LRRC8D: variants seen among roughly 807,000 people sequenced by gnomAD.
LRRC8D encodes volume-regulated anion channel subunit LRRC8D.
A neutral mutation model predicts 55.8 loss-of-function variants in LRRC8D; 20 were observed. The ratio of observed to expected loss-of-function variants is 0.36; its 90% CI spans 0.25 to 0.52. LRRC8D has a LOEUF of 0.52. Ranked by LOEUF, LRRC8D falls within the 20% of genes least tolerant of loss-of-function variation. The pLI is 0.93. For synonymous variants in LRRC8D, 352 were observed against 377.0 expected, an observed-to-expected ratio of 0.93 and a Z score of 0.77; for missense variants, 651 against 1,030.8, an observed-to-expected ratio of 0.63 and a Z score of 5.05.
chr1:89,908,256 G>A lies in LRRC8D; in HGVS notation c.-2-24811G>A, dbSNP rs1264480555. On this transcript the variant is annotated intron_variant, in intron 2 of 2. Transcript: ENST00000337338. ...TACTCTAGTCTGTTGTTATTTCTGT[G>A]TAATTTACAAAGTATTTCATATTCA... Among the ~76,000 whole-genome samples, 6 of 152,178 alleles carry A rather than the reference G, an allele frequency of 3.9e-5. No individual in the cohort carries two copies. The East Asian group carries it at 9.6e-4, about 24-fold the overall frequency.
Position 89,854,257 on chromosome 1 carries a change from A to G in LRRC8D, c.-3+10475A>G, listed in dbSNP as rs1480037412. Among the ~76,000 whole-genome samples the G allele has an allele frequency of 8.5e-5, 13 of 152,132 alleles. 1 individual carries two copies. The highest frequency in any genetic ancestry group is 4.6e-4 in the Admixed American group (7 of 15,282). ...GCTGAGAGTGTGGGGCCTTGAGGAG[A>G]CAGCTGGAAGTTAGTAACAGTTACC... On this transcript the variant is annotated intron_variant, in intron 2 of 2. Transcript: ENST00000337338.
In LRRC8D at chr1:89,902,623, G is replaced by A. The variant is rs550948259; in HGVS notation, c.-2-30444G>A. Among the ~76,000 whole-genome samples, 9 of 151,090 alleles carry A rather than the reference G, an allele frequency of 6.0e-5. No individual in the cohort carries two copies. In the South Asian group the frequency reaches 1.5e-3, roughly 25 times the overall value. ...ACCATCTTGGCTCACTGCAAGCTCC[G>A]CCTCCTAGGTCCACGCCATTCTCCT... On this transcript the variant is annotated intron_variant, in intron 2 of 2. Transcript: ENST00000337338.
chr1:89,867,216 TG>T (rs1415436680), intron 2 of LRRC8D, among the ~76,000 whole-genome samples: 10 of 152,336 alleles, frequency 6.6e-5, no homozygotes, highest in African/African-American at 2.2e-4. Context: ...TCTGTAGATT[TG>T]CCTATTAAGG....
At chr1:89,913,866 C>T (rs1440618910) in intron 2 of LRRC8D, among the ~76,000 whole-genome samples, 2 of 152,308 alleles carry the variant, frequency 1.3e-5, no homozygotes, top group East Asian at 3.9e-4. Context: ...TACATGCTTG[C>T]CGACATGCAG....
chr1:89,828,811 C>T (rs910353428), intron 1 of LRRC8D, among the ~76,000 whole-genome samples: 3 of 152,124 alleles, frequency 2.0e-5, no homozygotes, highest in Admixed American at 6.6e-5. Flanking sequence ...GGAACATTGC[C>T]AGAGAAAGCT....
rs192105951 is a variant in LRRC8D, at chr1:89,850,807, A to G, written c.-3+7025A>G. 2.6e-5 allele frequency among the ~76,000 whole-genome samples: 4 copies of G among 152,302 alleles called. No homozygotes were observed. In the East Asian group the frequency reaches 5.8e-4, roughly 22 times the overall value. The stretch of plus-strand genomic sequence containing the variant: ...TAGCATGACTTCTTGTTACATGTAC[A>G]TTTATATAACTTGACCTTATTGTTA... On this transcript the variant is annotated intron_variant, in intron 2 of 2. Transcript: ENST00000337338.
intron 2 of LRRC8D, among the ~76,000 whole-genome samples, chr1:89,920,003 G>C (rs1663371405): frequency 6.6e-6 from 1 of 152,116 alleles, no homozygotes; most frequent in Non-Finnish European, 1.5e-5. Context: ...AACTGAGATT[G>C]TATGGAATAA....
chr1:89,904,643 ACT>A (rs1662946397), intron 2 of LRRC8D, among the ~76,000 whole-genome samples: 1 of 152,096 alleles, frequency 6.6e-6, no homozygotes, highest in African/African-American at 2.4e-5. Flanking sequence ...TTAGGACCAG[ACT>A]CTGTAAGGCT....
chr1:89,831,993 G>T (rs1353025283), intron 1 of LRRC8D, among the ~76,000 whole-genome samples: 1 of 152,158 alleles, frequency 6.6e-6, no homozygotes, highest in Non-Finnish European at 1.5e-5. Flanking sequence ...AGCCTCCAGG[G>T]TCCCTTTGTG....
intron 2 of LRRC8D, among the ~76,000 whole-genome samples, chr1:89,863,282 T>C (rs1661766313): frequency 6.6e-6 from 1 of 152,160 alleles, no homozygotes; most frequent in African/African-American, 2.4e-5. Flanking sequence ...CAAGCATTGG[T>C]TGGATAAAAT....
chr1:89,875,828 T>C (rs1662134524), intron 2 of LRRC8D, among the ~76,000 whole-genome samples: 1 of 152,232 alleles, frequency 6.6e-6, no homozygotes, highest in Non-Finnish European at 1.5e-5. Flanking sequence ...TACTGTTTCA[T>C]TTTATGAGGA....
At chr1:89,858,870 G>A in intron 2 of LRRC8D, among the ~76,000 whole-genome samples, 1 of 152,052 alleles carries the variant, frequency 6.6e-6, no homozygotes, top group South Asian at 2.1e-4. Flanking sequence ...AAGAAATGAA[G>A]TCATAGTTAC....
At chr1:89,914,357 C>T (rs1163225892) in intron 2 of LRRC8D, among the ~76,000 whole-genome samples, 1 of 152,206 alleles carries the variant, frequency 6.6e-6, no homozygotes, top group Non-Finnish European at 1.5e-5. Context: ...CACCTCCCTG[C>T]AAGCTGAGGG....
chr1:89,934,052 C>CT lies in LRRC8D; in HGVS notation c.987dup (p.Val330CysfsTer7). The CT allele has an allele frequency of 6.2e-7, 1 of 1,614,178 alleles. No homozygotes were observed. The highest frequency in any genetic ancestry group is 2.2e-5 in the East Asian group (1 of 44,880). ...TTTTTATTCTCTGCTATACAGCGAA[C>CT]TTTGTCAACGCAATCAGCTTTGAAC... is the stretch of plus-strand genomic sequence containing the variant. On this transcript the variant is annotated frameshift_variant, in exon 3 of 3. Transcript: ENST00000337338. LOFTEE classifies it high-confidence loss of function. The surrounding 1 kb of genome is among the most constrained non-coding windows in gnomAD (Gnocchi z 5.9).
chr1:89,873,429 A>G (rs1386085430), intron 2 of LRRC8D, among the ~76,000 whole-genome samples: 1 of 152,240 alleles, frequency 6.6e-6, no homozygotes, highest in Admixed American at 6.5e-5. Flanking sequence ...CAGAACTACC[A>G]AACACAAAAG....
chr1:89,911,275 G>A lies in LRRC8D; in HGVS notation c.-2-21792G>A, dbSNP rs1003092042. ...AAAGAACCTTTTAAAATTTTATGAC[G>A]GGATAAGCAATATGGTGGTTAGCAA... On this transcript the variant is annotated intron_variant, in intron 2 of 2. Coordinates refer to ENST00000337338, the MANE Select transcript of LRRC8D (RefSeq NM_001134479.2). This position sits in a 1 kb window ranked among gnomAD's most constrained non-coding sequence, Gnocchi z 4.0. 8.6e-5 allele frequency among the ~76,000 whole-genome samples: 13 copies of A among 151,718 alleles called. No homozygotes were observed. The highest frequency in any genetic ancestry group is 3.3e-4 in the Admixed American group (5 of 15,246).
In LRRC8D at chr1:89,869,052, G is replaced by A. The variant is rs1039630906; in HGVS notation, c.-3+25270G>A. ...CTCCCAAGTAGCTGGGAGTACACAC[G>A]CATGCCACCATGCCCGGCTAATTTT... On this transcript the variant is annotated intron_variant, in intron 2 of 2. Transcript: ENST00000337338. Among the ~76,000 whole-genome samples, 5 of 152,134 alleles carry A rather than the reference G, an allele frequency of 3.3e-5. No homozygotes were observed. The East Asian group carries it at 5.8e-4, about 18-fold the overall frequency.
intron 2 of LRRC8D, among the ~76,000 whole-genome samples, chr1:89,875,545 T>TA (rs1557462785): frequency 6.6e-6 from 1 of 152,120 alleles, no homozygotes; most frequent in Non-Finnish European, 1.5e-5. Context: ...TTAAGCAAGA[T>TA]AAAGAGATAG....
At chr1:89,909,838 T>G (rs1663088809) in intron 2 of LRRC8D, among the ~76,000 whole-genome samples, 1 of 147,490 alleles carries the variant, frequency 6.8e-6, no homozygotes, top group African/African-American at 2.5e-5. Flanking sequence ...TGCACTTCAG[T>G]CTGGGCAACA....
Sources: gnomAD v4.1 joint callset for allele counts (sites outside exome capture counted in the v4.1 genomes callset) on GRCh38, gnomAD v4.1.1 for gene constraint, Gnocchi (gnomAD v3.1) non-coding constraint, MANE v1.5 for transcripts, NCBI Gene and HGNC (gene_info 2026-07-23, HGNC 2026-07-21) for gene names.